The following CACNA1A variants were observed in gnomAD, a reference collection of about 807,000 sequenced individuals.
The protein encoded by CACNA1A is calcium voltage-gated channel subunit alpha1 A.
Under a neutral mutation model 262.4 loss-of-function variants are expected in CACNA1A, and 57 were observed. That is an observed-to-expected ratio of 0.22 (90% CI 0.18 to 0.27). CACNA1A has a LOEUF of 0.27. CACNA1A is among the 10% of genes least tolerant of loss of function. CACNA1A has a pLI of 1.00. For synonymous variants in CACNA1A, 1,431 were observed against 1,419.3 expected, an observed-to-expected ratio of 1.01 and a Z score of -0.18; for missense variants, 2,526 against 3,562.8, an observed-to-expected ratio of 0.71 and a Z score of 7.41.
chr19:13,465,271 C>G (rs2061213427), intron 1 of CACNA1A, among the ~76,000 whole-genome samples: 1 of 152,114 alleles, frequency 6.6e-6, no homozygotes. Flanking sequence ...GGGACAATAC[C>G]TACCGTCATC....
chr19:13,212,482 C>G lies in CACNA1A; in HGVS notation c.6091G>C (p.Val2031Leu). Reference protein sequence around the residue: ...ESGLKESPSWVTQRAQEMFQK... With the variant: ...ESGLKESPSWLTQRAQEMFQK... ...AACATCTCCTGGGCACGCTGGGTCA[C>G]CCAGGACGGGCTCTCCTTGAGGCCG... The change falls in exon 42 of 47, where the codon GTG (valine) becomes CTG (leucine). Residue 2031 changes from valine to leucine, a missense_variant. By Grantham distance (32) the Val-to-Leu change is conservative (BLOSUM62 1). This residue lies in a region of CACNA1A where 929 missense variants were observed against 868.1 expected (regional missense o/e 1.07). Transcript: ENST00000360228. The surrounding 1 kb of genome is among the most constrained non-coding windows in gnomAD (Gnocchi z 5.6). 1.3e-6 allele frequency: 2 copies of G among 1,593,972 alleles called. No homozygotes were observed. The highest frequency in any genetic ancestry group is 1.7e-6 in the Non-Finnish European group (2 of 1,170,442).
chr19:13,500,848 C>T (rs1444577796), intron 1 of CACNA1A, among the ~76,000 whole-genome samples: 1 of 152,198 alleles, frequency 6.6e-6, no homozygotes, highest in Non-Finnish European at 1.5e-5. Context: ...TGGAATCCTG[C>T]TCAACACCAA....
chr19:13,321,193 C>T (rs1160291267), intron 10 of CACNA1A, among the ~76,000 whole-genome samples: 2 of 151,992 alleles, frequency 1.3e-5, no homozygotes, highest in African/African-American at 4.8e-5. Context: ...ACTACCACGT[C>T]CGAATAATTT....
chr19:13,482,799 T>A (rs1197168990), intron 1 of CACNA1A, among the ~76,000 whole-genome samples: 3 of 151,730 alleles, frequency 2.0e-5, no homozygotes, highest in African/African-American at 7.3e-5. Context: ...AGCTTCCTGT[T>A]AGGAAATGCT....
At chr19:13,245,365 C>T (rs990465421) in intron 30 of CACNA1A, 100 bp from the exon 31 acceptor site, 17 of 854,760 alleles carry the variant, frequency 2.0e-5, no homozygotes, top group African/African-American at 1.2e-4. Flanking sequence ...TGCCCATCAG[C>T]GGAGTGCCCG....
At chr19:13,493,579 T>C (rs1368915607) in intron 1 of CACNA1A, among the ~76,000 whole-genome samples, 1 of 152,252 alleles carries the variant, frequency 6.6e-6, no homozygotes, top group African/African-American at 2.4e-5. Flanking sequence ...TCTCTGTTCC[T>C]TGTCATCAAC....
At chr19:13,269,254 T>G (rs2056954334) in intron 24 of CACNA1A, among the ~76,000 whole-genome samples, 1 of 152,194 alleles carries the variant, frequency 6.6e-6, no homozygotes. Flanking sequence ...TGGACATCAC[T>G]GCATTTGCCT....
Position 13,207,164 on chromosome 19 carries a change from C to T in CACNA1A, c.*149G>A. The T allele has an allele frequency of 1.1e-6, 1 of 873,974 alleles. No individual in the cohort carries two copies. The highest frequency in any genetic ancestry group is 1.6e-6 in the Non-Finnish European group (1 of 620,778). 54.1% of individuals were successfully genotyped at this position (873,974 alleles called of 1,614,324 possible). ...GTCTCTGCGGGACACCCTTGTGGCC[C>T]AGCCCTGGCCTCTCCAGAGTCTGGG... On this transcript the variant is annotated 3_prime_UTR_variant, in exon 47 of 47. Coordinates refer to ENST00000360228, the MANE Select transcript of CACNA1A (RefSeq NM_001127222.2). The surrounding 1 kb of genome is among the most constrained non-coding windows in gnomAD (Gnocchi z 5.7).
chr19:13,312,078 T>G (rs1232006167), intron 12 of CACNA1A, among the ~76,000 whole-genome samples: 1 of 152,188 alleles, frequency 6.6e-6, no homozygotes, highest in East Asian at 1.9e-4. Context: ...TATCTCCATC[T>G]TGTAGTTTTT....
chr19:13,332,485 C>T (rs913808555), intron 9 of CACNA1A, among the ~76,000 whole-genome samples: 5 of 152,086 alleles, frequency 3.3e-5, no homozygotes, highest in African/African-American at 1.2e-4. Context: ...TCACAGTAAA[C>T]TGGATTATTG....
At position 13,214,463 on chromosome 19, in the gene CACNA1A, C is replaced by G. The variant is rs766183151; in HGVS notation, c.5839+38G>C. ...CCCTTTCCCTCCCCCTCCATCTGTCCTGGTGGATTGGATCCCAGGGCTGGG... is the reference window on the plus strand; with the variant it reads ...CCCTTTCCCTCCCCCTCCATCTGTCGTGGTGGATTGGATCCCAGGGCTGGG... On this transcript the variant is annotated intron_variant, in intron 39 of 46. Coordinates refer to ENST00000360228, the MANE Select transcript of CACNA1A (RefSeq NM_001127222.2). This position sits in a 1 kb window ranked among gnomAD's most constrained non-coding sequence, Gnocchi z 4.1. The G allele has an allele frequency of 1.3e-6, 2 of 1,579,884 alleles. No individual in the cohort carries two copies. Among genetic ancestry groups the G allele is most frequent in the African/African-American group, 2.7e-5 (2 of 74,224 alleles).
rs377709644 is a variant in CACNA1A, at chr19:13,241,461, G to T, written c.4950+3721C>A. The T allele has an allele frequency of 1.6e-6, 2 of 1,237,422 alleles. No homozygotes were observed. The highest frequency in any genetic ancestry group is 1.3e-5 in the South Asian group (1 of 78,464). The allele number at this position is 1,237,422 out of a possible 1,614,324, so 76.7% of individuals were successfully genotyped here. A position where few individuals can be genotyped will look rare whatever the true frequency, so the allele number is the denominator to read the frequency against. On this transcript the variant is annotated intron_variant, in intron 31 of 46. Transcript: ENST00000360228. This position sits in a 1 kb window ranked among gnomAD's most constrained non-coding sequence, Gnocchi z 4.0. ...AGGGTGTGGCATGCAATGCCGACGC[G>T]AGGAGATGCGTTCACAGTTAATGTA...
chr19:13,387,547 C>T (rs770141646), intron 3 of CACNA1A, among the ~76,000 whole-genome samples: 6 of 152,178 alleles, frequency 3.9e-5, no homozygotes, highest in Admixed American at 2.0e-4. Context: ...CCCCACTCAC[C>T]TTCCCCACTG....
At chr19:13,450,569 G>A (rs1211090139) in intron 3 of CACNA1A, 1 of 152,176 alleles carries the variant, frequency 6.6e-6, no homozygotes, top group African/African-American at 2.4e-5. Context: ...CATGAGGACA[G>A]GGGATTTTTC....
At chr19:13,483,022 T>C (rs1199907617) in intron 1 of CACNA1A, among the ~76,000 whole-genome samples, 1 of 152,122 alleles carries the variant, frequency 6.6e-6, no homozygotes, top group African/African-American at 2.4e-5. Flanking sequence ...CTTAATTTGA[T>C]TCTTGGTCTG....
At chr19:13,222,640 C>A (rs1397739813) in intron 38 of CACNA1A, among the ~76,000 whole-genome samples, 4 of 151,996 alleles carry the variant, frequency 2.6e-5, no homozygotes, top group African/African-American at 9.7e-5. Context: ...CATGATCTGC[C>A]CGCCTCGGCC....
intron 6 of CACNA1A, among the ~76,000 whole-genome samples, chr19:13,339,764 T>C (rs1294996226): frequency 1.3e-5 from 2 of 150,198 alleles, no homozygotes; most frequent in Non-Finnish European, 2.9e-5. Flanking sequence ...ATGTGTGTTT[T>C]GCCATGGATT....
At chr19:13,271,499 G>A (rs1332791618) in intron 24 of CACNA1A, 3 of 152,166 alleles carry the variant, frequency 2.0e-5, no homozygotes, top group African/African-American at 7.2e-5. Flanking sequence ...GGGATTACAG[G>A]TGTGAGCCAT....
chr19:13,341,925 C>G (rs960285274), intron 6 of CACNA1A, among the ~76,000 whole-genome samples: 1 of 152,172 alleles, frequency 6.6e-6, no homozygotes, highest in Non-Finnish European at 1.5e-5. Context: ...ATCTGGCACA[C>G]AGTCGGTGCT....
Sources: gnomAD v4.1 joint callset for allele counts (sites outside exome capture counted in the v4.1 genomes callset) on GRCh38, gnomAD v4.1.1 for gene constraint, gnomAD v4.1.1 regional missense constraint, Gnocchi (gnomAD v3.1) non-coding constraint, MANE v1.5 for transcripts, NCBI Gene and HGNC (gene_info 2026-07-23, HGNC 2026-07-21) for gene names.